The following WDPCP variants were observed in gnomAD, a reference collection of about 807,000 sequenced individuals.
WDPCP encodes WD repeat containing planar cell polarity effector.
A neutral mutation model predicts 93.1 loss-of-function variants in WDPCP; 71 were observed. The observed-to-expected ratio is 0.76, with a 90% CI of 0.63 to 0.93. The LOEUF is 0.93. Ranked by LOEUF, WDPCP falls within the 40% of genes least tolerant of loss-of-function variation. The pLI is 0.00. For missense variants in WDPCP, 844 were observed against 887.4 expected (o/e 0.95, Z 0.62); for synonymous variants, 315 against 315.0 (o/e 1.00, Z 0.00).
intron 13 of WDPCP, among the ~76,000 whole-genome samples, chr2:63,296,253 G>A (rs1684847674): frequency 6.7e-6 from 1 of 148,158 alleles, no homozygotes; most frequent in Non-Finnish European, 1.5e-5. Flanking sequence ...ATCCCTTCAT[G>A]ATAAAAACCC....
intron 6 of WDPCP, among the ~76,000 whole-genome samples, chr2:63,449,452 A>T (rs189828026): frequency 8.0e-4 from 122 of 152,262 alleles, no homozygotes; most frequent in South Asian, 6.0e-3. Flanking sequence ...AGAGAACTAG[A>T]GTCTAACAGA....
intron 2 of WDPCP, among the ~76,000 whole-genome samples, chr2:63,774,771 C>G (rs544982157): frequency 1.3e-3 from 192 of 152,248 alleles, no homozygotes; most frequent in Non-Finnish European, 2.5e-3. Context: ...GAATCCCCAC[C>G]TCTCAGTTTC....
At chr2:63,332,613 A>G (rs1428502904) in intron 12 of WDPCP, among the ~76,000 whole-genome samples, 1 of 152,136 alleles carries the variant, frequency 6.6e-6, no homozygotes. Flanking sequence ...AATTCTTTAT[A>G]TATGCTGGAT....
At chr2:63,285,641 G>C (rs1683939487) in intron 13 of WDPCP, among the ~76,000 whole-genome samples, 1 of 151,982 alleles carries the variant, frequency 6.6e-6, no homozygotes, top group African/African-American at 2.4e-5. Context: ...GTAAACTTCA[G>C]AACAGTAACT....
intron 2 of WDPCP, among the ~76,000 whole-genome samples, chr2:63,777,776 G>C (rs960832472): frequency 2.6e-5 from 4 of 152,178 alleles, no homozygotes; most frequent in African/African-American, 4.8e-5. Context: ...AGTAAAAAGA[G>C]TGAAAGGGAA....
At chr2:63,830,354 T>A (rs1373633801), upstream of WDPCP, among the ~76,000 whole-genome samples, 1 of 152,082 alleles carries the variant, frequency 6.6e-6, no homozygotes, top group African/African-American at 2.4e-5. Flanking sequence ...CTCTTCTTAT[T>A]TTGCTAGAAC....
intron 2 of WDPCP, chr2:63,684,769 A>G (rs1213908240): frequency 1.1e-5 from 6 of 551,622 alleles, no homozygotes; most frequent in African/African-American, 1.9e-5. Context: ...AATAGTAACA[A>G]GCATTTTCTC....
chr2:63,447,912 G>C (rs940518708), intron 6 of WDPCP, among the ~76,000 whole-genome samples: 1 of 152,032 alleles, frequency 6.6e-6, no homozygotes, highest in African/African-American at 2.4e-5. Flanking sequence ...TACTGGAGAA[G>C]GGAATGAGTT....
At chr2:63,308,063 A>G (rs548160424) in intron 13 of WDPCP, among the ~76,000 whole-genome samples, 1 of 152,138 alleles carries the variant, frequency 6.6e-6, no homozygotes, top group South Asian at 2.1e-4. Context: ...CAAACAAACA[A>G]CCCCATCAAA....
At chr2:63,244,220 C>T (rs1680089644) in intron 14 of WDPCP, among the ~76,000 whole-genome samples, 1 of 152,008 alleles carries the variant, frequency 6.6e-6, no homozygotes, top group Non-Finnish European at 1.5e-5. Context: ...GCAGTAAACA[C>T]AGTATTAAGA....
At chr2:63,488,100 T>C (rs1700672500) in intron 2 of WDPCP, among the ~76,000 whole-genome samples, 1 of 152,116 alleles carries the variant, frequency 6.6e-6, no homozygotes, top group South Asian at 2.1e-4. Flanking sequence ...TTCCCAGATG[T>C]CAAGATTCAT....
At chr2:63,450,209 CT>C (rs566248996) in intron 6 of WDPCP, among the ~76,000 whole-genome samples, 6 of 152,300 alleles carry the variant, frequency 3.9e-5, no homozygotes, top group Admixed American at 2.6e-4. Context: ...AGCTGGAGGG[CT>C]GCCTGTCTGG....
At chr2:63,761,185 A>G (rs1216082478) in intron 2 of WDPCP, among the ~76,000 whole-genome samples, 3 of 152,090 alleles carry the variant, frequency 2.0e-5, no homozygotes, top group Non-Finnish European at 4.4e-5. Context: ...GATTAATGCT[A>G]TTATCTCAGA....
At chr2:63,187,711 T>C (rs1440819020) in intron 14 of WDPCP, among the ~76,000 whole-genome samples, 3 of 152,240 alleles carry the variant, frequency 2.0e-5, no homozygotes, top group Non-Finnish European at 4.4e-5. Flanking sequence ...GATTTACTCA[T>C]TTAGACTTGT....
intron 1 of WDPCP, chr2:63,518,690 G>A (rs1174405160): frequency 6.6e-6 from 1 of 152,472 alleles, no homozygotes; most frequent in Non-Finnish European, 1.5e-5. Context: ...TCTTGCCCAT[G>A]AGACAGGGCC....
intron 2 of WDPCP, among the ~76,000 whole-genome samples, chr2:63,728,356 G>A (rs1669518685): frequency 6.6e-6 from 1 of 152,124 alleles, no homozygotes; most frequent in Non-Finnish European, 1.5e-5. Flanking sequence ...CCTGGACGAG[G>A]GTGAGAGAAG....
At chr2:63,242,559 C>G (rs1291898053) in intron 14 of WDPCP, among the ~76,000 whole-genome samples, 4 of 152,124 alleles carry the variant, frequency 2.6e-5, no homozygotes, top group African/African-American at 4.8e-5. Flanking sequence ...AAGTTTGAGG[C>G]TGCAGTGAGC....
At chr2:63,416,049 C>A (rs980646801) in intron 9 of WDPCP, among the ~76,000 whole-genome samples, 3 of 151,916 alleles carry the variant, frequency 2.0e-5, no homozygotes, top group Non-Finnish European at 4.4e-5. Context: ...GAAAAAAATT[C>A]CTAAAATGAA....
At chr2:63,424,749 G>C (rs1257381206) in intron 9 of WDPCP, among the ~76,000 whole-genome samples, 1 of 152,142 alleles carries the variant, frequency 6.6e-6, no homozygotes, top group Non-Finnish European at 1.5e-5. Flanking sequence ...TGTGGGCCTG[G>C]GGCATGCCTC....
Sources: gnomAD v4.1 joint callset for allele counts (sites outside exome capture counted in the v4.1 genomes callset) on GRCh38, gnomAD v4.1.1 for gene constraint, MANE v1.5 for transcripts, NCBI Gene and HGNC (gene_info 2026-07-23, HGNC 2026-07-21) for gene names.